Variants in CYP19A1 observed in about 807,000 individuals in gnomAD.
CYP19A1 encodes cytochrome P450 family 19 subfamily A member 1, also known as aromatase.
In CYP19A1, 32 loss-of-function variants were observed where a neutral mutation model predicts 44.4. The observed-to-expected ratio is 0.72, with a 90% CI of 0.54 to 0.97. CYP19A1 has a LOEUF of 0.97. Ranked by LOEUF, CYP19A1 falls within the 50% of genes least tolerant of loss-of-function variation. CYP19A1 has a pLI of 0.00. For missense variants in CYP19A1, 598 were observed against 637.8 expected, an observed-to-expected ratio of 0.94 and a Z score of 0.67; for synonymous variants, 212 against 215.6, an observed-to-expected ratio of 0.98 and a Z score of 0.14.
chr15:51,214,835 A>G (rs372151284), intron 8 of CYP19A1, among the ~76,000 whole-genome samples: 1 of 152,182 alleles, frequency 6.6e-6, no homozygotes, highest in Non-Finnish European at 1.5e-5. Context: ...TTTACACATC[A>G]TTCTGTGATT....
At chr15:51,262,191 GA>G (rs1446958988) in intron 1 of CYP19A1, among the ~76,000 whole-genome samples, 1 of 152,228 alleles carries the variant, frequency 6.6e-6, no homozygotes, top group African/African-American at 2.4e-5. Flanking sequence ...TCCTGCTGCA[GA>G]TAACTAGCCA....
intron 1 of CYP19A1, among the ~76,000 whole-genome samples, chr15:51,283,396 A>G (rs1274298155): frequency 2.0e-5 from 3 of 152,224 alleles, no homozygotes; most frequent in Non-Finnish European, 4.4e-5. Context: ...ATTCTATTCA[A>G]AAAGCTAGAG....
At chr15:51,218,994 T>C (rs1388339908) in intron 5 of CYP19A1, among the ~76,000 whole-genome samples, 1 of 152,242 alleles carries the variant, frequency 6.6e-6, no homozygotes, top group Non-Finnish European at 1.5e-5. Flanking sequence ...CAAATGGAAC[T>C]AGTAATTATG....
intron 1 of CYP19A1, among the ~76,000 whole-genome samples, chr15:51,265,253 G>A (rs1251312347): frequency 6.6e-6 from 1 of 152,172 alleles, no homozygotes; most frequent in Non-Finnish European, 1.5e-5. Context: ...AGCGTTCCAT[G>A]TCCTCCCTTC....
intron 4 of CYP19A1, among the ~76,000 whole-genome samples, chr15:51,226,441 C>G (rs979461606): frequency 2.6e-5 from 4 of 152,214 alleles, no homozygotes; most frequent in African/African-American, 9.6e-5. Flanking sequence ...CAATTTGTTA[C>G]AGCAGCAATA....
intron 1 of CYP19A1, among the ~76,000 whole-genome samples, chr15:51,262,130 G>A (rs935901722): frequency 3.3e-5 from 5 of 152,322 alleles, no homozygotes; most frequent in Admixed American, 2.0e-4. Context: ...ACTTAAAGGC[G>A]TTCCTAAGCC....
intron 8 of CYP19A1, among the ~76,000 whole-genome samples, chr15:51,212,892 G>C (rs2031166397): frequency 6.6e-6 from 1 of 152,060 alleles, no homozygotes; most frequent in Admixed American, 6.5e-5. Flanking sequence ...TGTTTAGAGG[G>C]GGCATACATC....
intron 1 of CYP19A1, among the ~76,000 whole-genome samples, chr15:51,261,441 G>C (rs1471496264): frequency 6.6e-6 from 1 of 152,112 alleles, no homozygotes; most frequent in Non-Finnish European, 1.5e-5. Context: ...TGAGTAATGG[G>C]TATTATTAAC....
chr15:51,308,972 C>G (rs2036262940), intron 1 of CYP19A1, among the ~76,000 whole-genome samples: 1 of 152,172 alleles, frequency 6.6e-6, no homozygotes. Flanking sequence ...ATCCAATCCT[C>G]TGGCATTACA....
intron 1 of CYP19A1, among the ~76,000 whole-genome samples, chr15:51,289,347 G>A (rs1237373570): frequency 2.0e-5 from 3 of 152,156 alleles, no homozygotes; most frequent in Non-Finnish European, 4.4e-5. Context: ...AGTTGACTGG[G>A]CCACTGCTTA....
chr15:51,250,286 C>T (rs1217953124), intron 1 of CYP19A1, among the ~76,000 whole-genome samples: 1 of 152,236 alleles, frequency 6.6e-6, no homozygotes, highest in East Asian at 1.9e-4. Flanking sequence ...TTCTCACTCA[C>T]CTCTGAGGTT....
rs1258199833 is a variant in CYP19A1 at position 51,218,616 on chromosome 15, G to C, written c.668C>G (p.Ala223Gly). ...IVVKIQGYFD[A>G]WQALLIKPDI... ...TGGTTTGATGAGGAGAGCTTGCCAT[G>C]CATCAAAATAACCTTGGATTTTAAC... is the stretch of plus-strand genomic sequence containing the variant. The change falls in exon 6 of 10, where the codon GCA (alanine) becomes GGA (glycine). Residue 223 changes from alanine (A) to glycine (G), a missense_variant. By Grantham distance (60) the Ala-to-Gly change is moderately conservative. Transcript: ENST00000396402. The C allele has an allele frequency of 6.2e-7, 1 of 1,613,660 alleles. No individual in the cohort carries two copies. The highest frequency in any genetic ancestry group is 1.7e-5 in the Admixed American group (1 of 59,966).
At chr15:51,335,293 G>A (rs2141033707) in intron 1 of CYP19A1, among the ~76,000 whole-genome samples, 1 of 152,294 alleles carries the variant, frequency 6.6e-6, no homozygotes, top group African/African-American at 2.4e-5. Flanking sequence ...CAACTCAAAG[G>A]TCTAAGACAC....
chr15:51,311,383 G>A (rs1176212731), intron 1 of CYP19A1, among the ~76,000 whole-genome samples: 1 of 152,182 alleles, frequency 6.6e-6, no homozygotes, highest in Non-Finnish European at 1.5e-5. Context: ...CAGAGGTAAT[G>A]TCAGTAGACT....
chr15:51,253,469 C>A (rs1007795190), intron 1 of CYP19A1, among the ~76,000 whole-genome samples: 5 of 151,870 alleles, frequency 3.3e-5, no homozygotes, highest in African/African-American at 1.2e-4. Context: ...TCCCTCTTGT[C>A]ACAGCTATAT....
At position 51,210,383 on chromosome 15, in the gene CYP19A1, G is replaced by C; in HGVS notation, c.*425C>G. 1 of 500,938 alleles carries C rather than the reference G, an allele frequency of 2.0e-6. No individual in the cohort carries two copies. Among genetic ancestry groups the C allele is most frequent in the Middle Eastern group, 3.0e-4 (1 of 3,352 alleles). 31.0% of individuals were successfully genotyped at this position (500,938 alleles called of 1,614,324 possible). ...CACTAGCAGGTGGGTTTGGCCCCAG[G>C]TACCCTGACATTGGCCTGGTCTTTC... is the stretch of plus-strand genomic sequence containing the variant. On this transcript the variant is annotated 3_prime_UTR_variant, in exon 10 of 10. Coordinates refer to ENST00000396402, the MANE Select transcript of CYP19A1 (RefSeq NM_000103.4).
intron 1 of CYP19A1, among the ~76,000 whole-genome samples, chr15:51,265,216 C>A (rs1042046472): frequency 6.6e-6 from 1 of 152,344 alleles, no homozygotes; most frequent in Middle Eastern, 3.4e-3. Flanking sequence ...CTGGATCCCA[C>A]CTCCCCTGGC....
At chr15:51,252,559 T>G (rs1399082497) in intron 1 of CYP19A1, among the ~76,000 whole-genome samples, 1 of 152,146 alleles carries the variant, frequency 6.6e-6, no homozygotes, top group Non-Finnish European at 1.5e-5. Context: ...GAGAAACGTT[T>G]AAGGGGAAAG....
chr15:51,215,744 C>T lies in CYP19A1; in HGVS notation c.817G>A (p.Glu273Lys), dbSNP rs2031508036. The T allele has an allele frequency of 1.1e-5, 17 of 1,613,892 alleles. No homozygotes were observed. Among genetic ancestry groups the T allele is most frequent in the Non-Finnish European group, 1.4e-5 (16 of 1,179,974 alleles). The change falls in exon 7 of 10, where the codon GAA (glutamate) becomes AAA (lysine). Residue 273 changes from glutamate (E) to lysine (K), a missense_variant. Physicochemically the swap from Glu to Lys is moderately conservative, Grantham distance 56. Transcript: ENST00000396402. ...TCAGTGGCAAAGTCCATACATTCTT[C>T]CAGTTTCTCTTCTGTGGAAATCCTG... is the stretch of plus-strand genomic sequence containing the variant. ...RRRISTEEKL[E>K]ECMDFATELI...
Sources: gnomAD v4.1 joint callset for allele counts (sites outside exome capture counted in the v4.1 genomes callset) on GRCh38, gnomAD v4.1.1 for gene constraint, MANE v1.5 for transcripts, NCBI Gene and HGNC (gene_info 2026-07-23, HGNC 2026-07-21) for gene names.